Variants in FBXO31 observed in about 807,000 individuals in gnomAD.
FBXO31 encodes F-box protein 31.
A neutral mutation model predicts 54.4 loss-of-function variants in FBXO31; 24 were observed. That is an observed-to-expected ratio of 0.44 (90% confidence interval 0.32 to 0.62). The LOEUF is 0.62. Ranked by LOEUF, FBXO31 falls within the 20% of genes least tolerant of loss-of-function variation. The pLI, the probability that FBXO31 is intolerant of heterozygous loss-of-function variation, is 0.05. For missense variants in FBXO31, 665 were observed against 787.1 expected (o/e 0.84, Z 1.86); for synonymous variants, 388 against 335.6 (o/e 1.16, Z -1.71).
Position 87,383,686 on chromosome 16 carries a change from T to G in FBXO31, c.59A>C (p.Gln20Pro), listed in dbSNP as rs926804516. 1.4e-4 allele frequency: 179 copies of G among 1,277,118 alleles called. No individual in the cohort carries two copies. Among genetic ancestry groups the G allele is most frequent in the Non-Finnish European group, 1.7e-4 (171 of 1,018,722 alleles). The allele number at this position is 1,277,118 out of a possible 1,614,324, so 79.1% of individuals were successfully genotyped here. A position where few individuals can be genotyped will look rare whatever the true frequency, so the allele number is the denominator to read the frequency against. The change falls in exon 1 of 9, where the codon CAG becomes CCG. Residue 20 changes from glutamine to proline, a missense_variant. Gln to Pro is a moderately conservative substitution (Grantham distance 76). This residue lies in a region of FBXO31 where 195 missense variants were observed against 174.8 expected (regional missense o/e 1.12). Coordinates refer to ENST00000311635, the MANE Select transcript of FBXO31 (RefSeq NM_024735.5). This position sits in a 1 kb window ranked among gnomAD's most constrained non-coding sequence, Gnocchi z 4.9. Reference sequence around the variant, plus strand: ...CGTCTCGGCCGGGCCCCGGCGCTGCTGGCGGCGCCGACATCCGCGCGACGG... The same window carrying G: ...CGTCTCGGCCGGGCCCCGGCGCTGCGGGCGGCGCCGACATCCGCGCGACGG... ...VGPSRGCRRR[Q>P]QRRGPAETAA...
intron 5 of FBXO31, among the ~76,000 whole-genome samples, chr16:87,340,838 C>A (rs1252798598): frequency 6.6e-6 from 1 of 152,034 alleles, no homozygotes; most frequent in Non-Finnish European, 1.5e-5. Flanking sequence ...ATGGAAAACA[C>A]ACCATAAGAG....
In FBXO31 at chr16:87,335,221, T is replaced by C. The variant is rs951203602; in HGVS notation, c.996+83A>G. Reference sequence around the variant, plus strand: ...GAGGAGCAAGGGTGCCGGGGATCAGTGTCTGCCCAAGTTCCCTGACTCCAC... The same window carrying C: ...GAGGAGCAAGGGTGCCGGGGATCAGCGTCTGCCCAAGTTCCCTGACTCCAC... On this transcript the variant is annotated intron_variant, in intron 7 of 8. Transcript: ENST00000311635. The surrounding 1 kb of genome is among the most constrained non-coding windows in gnomAD (Gnocchi z 5.7). 6.3e-7 allele frequency: 1 copy of C among 1,583,154 alleles called. No individual in the cohort carries two copies. The highest frequency in any genetic ancestry group is 1.3e-5 in the African/African-American group (1 of 74,510).
intron 1 of FBXO31, among the ~76,000 whole-genome samples, chr16:87,365,833 G>A (rs774371569): frequency 1.3e-5 from 2 of 152,152 alleles, no homozygotes; most frequent in Non-Finnish European, 2.9e-5. Context: ...TTCAAGGCCA[G>A]CCTGGCCAAC....
rs1028970388 is a variant in FBXO31 at position 87,335,956 on chromosome 16, G to C, written c.842+199C>G. Among the ~76,000 whole-genome samples the C allele has an allele frequency of 6.6e-6, 1 of 152,048 alleles. No individual in the cohort carries two copies. The highest frequency in any genetic ancestry group is 1.5e-5 in the Non-Finnish European group (1 of 67,986). ...CACAGAGAGAGGGGCTGTGTTCCAA[G>C]TACCCACAGAAAGAGCGAACTATGC... is the stretch of plus-strand genomic sequence containing the variant. On this transcript the variant is annotated intron_variant, in intron 6 of 8. Transcript: ENST00000311635. This position sits in a 1 kb window ranked among gnomAD's most constrained non-coding sequence, Gnocchi z 5.7.
chr16:87,370,148 CT>C (rs946823827), intron 1 of FBXO31, among the ~76,000 whole-genome samples: 10 of 152,234 alleles, frequency 6.6e-5, no homozygotes, highest in African/African-American at 2.4e-4. Context: ...TACTGTCCCC[CT>C]GTCCCACTCT....
intron 1 of FBXO31, among the ~76,000 whole-genome samples, chr16:87,368,869 G>A (rs1282814649): frequency 6.6e-6 from 1 of 152,024 alleles, no homozygotes. Context: ...GCACCATCTC[G>A]GCTCACTGCA....
At position 87,336,307 on chromosome 16, in the gene FBXO31, G is replaced by T; in HGVS notation, c.733-43C>A. 1.3e-6 allele frequency: 2 copies of T among 1,573,672 alleles called. No individual in the cohort carries two copies. The highest frequency in any genetic ancestry group is 8.7e-7 in the Non-Finnish European group (1 of 1,145,664). ...GTCATGAATATCCATATGACAGGAG[G>T]CTGTGAAGAGGCTGCCGGCTGTGCC... On this transcript the variant is annotated intron_variant, in intron 5 of 8. Transcript: ENST00000311635. The surrounding 1 kb of genome is among the most constrained non-coding windows in gnomAD (Gnocchi z 6.5).
At chr16:87,360,655 A>G (rs1906092195) in intron 1 of FBXO31, among the ~76,000 whole-genome samples, 1 of 152,258 alleles carries the variant, frequency 6.6e-6, no homozygotes, top group Non-Finnish European at 1.5e-5. Flanking sequence ...CCAATATCAG[A>G]CAATCCCTAG....
intron 4 of FBXO31, 142 bp downstream of exon 4, chr16:87,343,456 G>C (rs1905255428): frequency 2.0e-6 from 2 of 1,008,802 alleles, no homozygotes; most frequent in African/African-American, 1.6e-5. Context: ...ACAATGCACA[G>C]CAGGGCAGGG....
chr16:87,356,127 G>T (rs761613150), intron 2 of FBXO31, among the ~76,000 whole-genome samples: 15 of 151,866 alleles, frequency 9.9e-5, no homozygotes, highest in Admixed American at 3.3e-4. Context: ...TACTTGGGAC[G>T]CTGAGGCACG....
chr16:87,334,212 G>C lies in FBXO31; in HGVS notation c.1071C>G (p.Leu357=), dbSNP rs748335502. The C allele has an allele frequency of 1.9e-6, 3 of 1,612,168 alleles. No individual in the cohort carries two copies. Among genetic ancestry groups the C allele is most frequent in the East Asian group, 4.5e-5 (2 of 44,864 alleles). The stretch of plus-strand genomic sequence containing the variant: ...GCTCATTGAAGTTGCGCTGGTTCTC[G>C]AGGTCGGGCAGCTGGATCCGATGCC... ...DLRHRIQLPD[L]ENQRNFNELS... Residue 357 remains leucine (L), a synonymous_variant, in exon 8 of 9, where the codon CTC becomes CTG. Coordinates refer to ENST00000311635, the MANE Select transcript of FBXO31 (RefSeq NM_024735.5).
At chr16:87,353,976 G>C (rs922851290) in intron 2 of FBXO31, among the ~76,000 whole-genome samples, 5 of 152,250 alleles carry the variant, frequency 3.3e-5, no homozygotes, top group Admixed American at 6.5e-5. Flanking sequence ...CGTCTCTGCG[G>C]CCCCCGCTGT....
chr16:87,373,954 A>C (rs561700527), intron 1 of FBXO31, among the ~76,000 whole-genome samples: 15 of 152,218 alleles, frequency 9.9e-5, no homozygotes, highest in African/African-American at 3.6e-4. Context: ...ACCCACTGTA[A>C]ATATGAAGGC....
chr16:87,383,375 CTCCCG>C lies in FBXO31; in HGVS notation c.340+25_340+29del. ...TCCACCTGGCAGGGACCCCCCGCCCCTCCCGGCCCCGCCACCCCCGCGCGCTCACC... is the reference window on the plus strand; with the variant it reads ...TCCACCTGGCAGGGACCCCCCGCCCCGCCCCGCCACCCCCGCGCGCTCACC... On this transcript the variant is annotated intron_variant, in intron 1 of 8. Coordinates refer to ENST00000311635, the MANE Select transcript of FBXO31 (RefSeq NM_024735.5). The surrounding 1 kb of genome is among the most constrained non-coding windows in gnomAD (Gnocchi z 4.9). 5 of 1,498,332 alleles carry C rather than the reference CTCCCG, an allele frequency of 3.3e-6. No homozygotes were observed. The highest frequency in any genetic ancestry group is 1.2e-5 in the South Asian group (1 of 81,858). 92.8% of individuals were successfully genotyped at this position (1,498,332 alleles called of 1,614,324 possible). A position where few individuals can be genotyped will look rare whatever the true frequency, so the allele number is the denominator to read the frequency against.
intron 8 of FBXO31, among the ~76,000 whole-genome samples, chr16:87,333,243 G>A (rs935339315): frequency 2.7e-5 from 4 of 150,346 alleles, no homozygotes; most frequent in African/African-American, 7.6e-5. Flanking sequence ...CATGTCAGCC[G>A]CCCAAGCCCT....
chr16:87,354,060 G>T (rs565946284), intron 2 of FBXO31, among the ~76,000 whole-genome samples: 1 of 152,352 alleles, frequency 6.6e-6, no homozygotes, highest in South Asian at 2.1e-4. Flanking sequence ...TCAGAGGAAT[G>T]GACATTTGTA....
chr16:87,333,944 C>A lies in FBXO31; in HGVS notation c.1339G>T (p.Val447Leu). Residue 447 changes from valine to leucine, a missense_variant, in exon 8 of 9, where the codon GTG becomes TTG. Physicochemically the swap from Val to Leu is conservative, Grantham distance 32. Around this residue, in one of 4 missense-constraint regions of FBXO31, gnomAD observed 165 missense variants for 159.7 expected, o/e 1.03. Transcript: ENST00000311635. ...PAQCGQGQPF[V>L]LPVGVSSRNE... The stretch of plus-strand genomic sequence containing the variant: ...CTGGAGCTCACGCCCACGGGCAGCA[C>A]GAACGGCTGCCCCTGCCCACACTGG... The A allele has an allele frequency of 6.2e-7, 1 of 1,612,278 alleles. No homozygotes were observed. Among genetic ancestry groups the A allele is most frequent in the Non-Finnish European group, 8.5e-7 (1 of 1,179,520 alleles).
chr16:87,384,492 G>A (rs1010897804), upstream of FBXO31, among the ~76,000 whole-genome samples: 1 of 152,230 alleles, frequency 6.6e-6, no homozygotes, highest in Non-Finnish European at 1.5e-5. Context: ...CCCAAAGGGC[G>A]CCTGTTCCTG....
At chr16:87,391,906 G>A (rs2150707350), upstream of FBXO31, 1 of 152,650 alleles carries the variant, frequency 6.6e-6, no homozygotes, top group East Asian at 1.9e-4. Flanking sequence ...CTCTGGAGGG[G>A]AAAGGATGGT....
Sources: allele counts gnomAD v4.1 joint callset (sites outside exome capture counted in the v4.1 genomes callset), GRCh38; gene constraint gnomAD v4.1.1; regional missense constraint gnomAD v4.1.1; non-coding constraint Gnocchi (gnomAD v3.1); transcripts MANE v1.5; gene names NCBI Gene and HGNC (gene_info 2026-07-23, HGNC 2026-07-21).